The following EP400 variants were observed in gnomAD, a reference collection of about 807,000 sequenced individuals.
EP400 encodes the protein E1A binding protein p400.
EP400 carries 105 observed loss-of-function variants against 354.1 expected under a neutral mutation model. That is an observed-to-expected ratio of 0.30 (90% CI 0.25 to 0.35). EP400 has a LOEUF of 0.35. Ranked by LOEUF, EP400 falls within the 10% of genes least tolerant of loss-of-function variation. The pLI is 1.00. For synonymous variants in EP400, 1,646 were observed against 1,716.9 expected, an observed-to-expected ratio of 0.96 and a Z score of 1.02; for missense variants, 3,280 against 4,121.0, an observed-to-expected ratio of 0.80 and a Z score of 5.59.
rs2064128149 is a variant in EP400 at position 132,005,058 on chromosome 12, TGCCC to T, written c.2828-16_2828-13del. ...TGTTGTTATAAAGTAACAGCCCTTC[TGCCC>T]GCAACCCTCTGCAGCTGAGCTGCCC... is the stretch of plus-strand genomic sequence containing the variant. On this transcript the variant is annotated splice_polypyrimidine_tract_variant and intron_variant, in intron 12 of 52. Transcript: ENST00000389561. The T allele has an allele frequency of 9.0e-6, 14 of 1,553,094 alleles. No individual in the cohort carries two copies. The highest frequency in any genetic ancestry group is 1.2e-5 in the Non-Finnish European group (14 of 1,144,240).
rs757596889 is a variant in EP400 at position 131,979,709 on chromosome 12, G to A, written c.1351G>A (p.Gly451Arg). The A allele has an allele frequency of 5.6e-6, 9 of 1,607,530 alleles. No homozygotes were observed. Among genetic ancestry groups the A allele is most frequent in the African/African-American group, 1.3e-5 (1 of 74,432 alleles). The change falls in exon 3 of 53, where the codon GGG becomes AGG. Residue 451 changes from glycine (G) to arginine (R), a missense_variant. Physicochemically the swap from Gly to Arg is moderately radical, Grantham distance 125. Around this residue, in one of 20 missense-constraint regions of EP400, gnomAD observed 800 missense variants for 840.0 expected, o/e 0.95. Coordinates refer to ENST00000389561, the MANE Select transcript of EP400 (RefSeq NM_015409.5). ...VINDEQQALA[G>R]SLVAGAGSTV... ...TTTTTCCCAGCAGCAAGCCCTCGCAGGGAGCCTGGTAGCAGGGGCCGGAAG... is the reference window on the plus strand; with the variant it reads ...TTTTTCCCAGCAGCAAGCCCTCGCAAGGAGCCTGGTAGCAGGGGCCGGAAG...
intron 50 of EP400, 143 bp from the exon 51 acceptor site, chr12:132,069,352 A>G (rs1440868315): frequency 2.7e-5 from 31 of 1,155,172 alleles, no homozygotes; most frequent in Non-Finnish European, 3.8e-5. Flanking sequence ...AGGGGGCAGG[A>G]GATGTGGGTA....
chr12:132,063,035 A>G (rs1895759601), intron 47 of EP400, among the ~76,000 whole-genome samples: 1 of 152,162 alleles, frequency 6.6e-6, no homozygotes, highest in Non-Finnish European at 1.5e-5. Context: ...GACCAGAGAA[A>G]GTGCTGGTGA....
chr12:131,966,336 G>C (rs1892079903), intron 2 of EP400, among the ~76,000 whole-genome samples: 1 of 152,080 alleles, frequency 6.6e-6, no homozygotes, highest in African/African-American at 2.4e-5. Context: ...ACTTTGGGAG[G>C]CCTACATGGG....
chr12:131,972,388 C>T (rs566371396), intron 2 of EP400, among the ~76,000 whole-genome samples: 2 of 152,064 alleles, frequency 1.3e-5, no homozygotes, highest in South Asian at 2.1e-4. Context: ...CTCCTGACCT[C>T]GTGATCCGCC....
At chr12:132,032,657 G>A (rs1214178145) in intron 30 of EP400, among the ~76,000 whole-genome samples, 2 of 148,622 alleles carry the variant, frequency 1.3e-5, no homozygotes, top group Non-Finnish European at 3.0e-5. Context: ...TTGAGATGGA[G>A]TCTTACTCTG....
At chr12:132,058,575 C>T (rs547602842) in intron 45 of EP400, among the ~76,000 whole-genome samples, 82 of 152,154 alleles carry the variant, frequency 5.4e-4, no homozygotes, top group Admixed American at 2.7e-3. Flanking sequence ...TGGTCTTGAA[C>T]TCCTGATCTC....
chr12:132,073,459 C>CTTTTTTTTTTTTTTTTTTTTTTTTTT lies in EP400; in HGVS notation c.9022-3043_9022-3042insTTTTTTTTTTTTTTTTTTTTTTTTTT, dbSNP rs58724167. Among the ~76,000 whole-genome samples the CTTTTTTTTTTTTTTTTTTTTTTTTTT allele has an allele frequency of 6.9e-4, 81 of 117,680 alleles. 14 individuals carry two copies. Among genetic ancestry groups the CTTTTTTTTTTTTTTTTTTTTTTTTTT allele is most frequent in the African/African-American group, 2.5e-3 (56 of 22,632 alleles). The allele number at this position is 117,680 out of a possible 152,430, so 77.2% of individuals were successfully genotyped here. ...GTGCGTTTTAATTCTGTCCCTTTTCCTTTTTTTTTTTTTTGACACAGTCTT... is the reference window on the plus strand; with the variant it reads ...GTGCGTTTTAATTCTGTCCCTTTTCCTTTTTTTTTTTTTTTTTTTTTTTTTTTTTTTTTTTTTTTTGACACAGTCTT... On this transcript the variant is annotated intron_variant, in intron 51 of 52. Transcript: ENST00000389561.
chr12:132,053,557 C>T lies in EP400; in HGVS notation c.7688C>T (p.Ala2563Val), dbSNP rs201372662. Residue 2563 changes from alanine (A) to valine (V), a missense_variant, in exon 43 of 53, where the codon GCG becomes GTG. Ala to Val is a moderately conservative substitution (Grantham distance 64). Transcript: ENST00000389561. ...CAGCCTGTGCAGGCCCCAGCGAAGGCGCAGCCCGCAATCACGACGGGGGGC... is the reference window on the plus strand; with the variant it reads ...CAGCCTGTGCAGGCCCCAGCGAAGGTGCAGCCCGCAATCACGACGGGGGGC... ...QPQPVQAPAK[A>V]QPAITTGGSA... 255 of 1,562,268 alleles carry T rather than the reference C, an allele frequency of 1.6e-4. 1 individual carries two copies. Among genetic ancestry groups the T allele is most frequent in the Non-Finnish European group, 4.2e-5 (49 of 1,160,434 alleles).
rs140748139 is a variant in EP400 at position 132,029,756 on chromosome 12, C to T, written c.5437C>T (p.Arg1813Trp). The T allele has an allele frequency of 1.1e-4, 171 of 1,613,252 alleles. 1 individual carries two copies. The South Asian group carries it at 1.1e-3, about 11-fold the overall frequency. Residue 1813 changes from arginine to tryptophan, a missense_variant, in exon 28 of 53, where the codon CGG becomes TGG. By Grantham distance (101) the Arg-to-Trp change is moderately radical. Transcript: ENST00000389561. This position sits in a 1 kb window ranked among gnomAD's most constrained non-coding sequence, Gnocchi z 4.7. ...VAAPPSLRVP[R>W]PPPLYSHRMR... ...AGCACCCCCGTCCCTACGGGTGCCG[C>T]GGCCGCCACCCCTGTACAGCCACAG...
rs1367277074 is a variant in EP400, at chr12:132,070,991, GTAAATCATGACGATC to G, written c.9021+1353_9021+1367del. On this transcript the variant is annotated intron_variant, in intron 51 of 52. Transcript: ENST00000389561. The surrounding 1 kb of genome is among the most constrained non-coding windows in gnomAD (Gnocchi z 4.1). ...TCCTTCGTATACAGTTGTATCACCTGTAAATCATGACGATCTACTTCTCCCATCTTAAACCCTTGC... is the reference window on the plus strand; with the variant it reads ...TCCTTCGTATACAGTTGTATCACCTGTACTTCTCCCATCTTAAACCCTTGC... Among the ~76,000 whole-genome samples, 1 of 152,154 alleles carries G rather than the reference GTAAATCATGACGATC, an allele frequency of 6.6e-6. No homozygotes were observed. The highest frequency in any genetic ancestry group is 6.5e-5 in the Admixed American group (1 of 15,284).
At position 131,988,771 on chromosome 12, in the gene EP400, C is replaced by T. The variant is rs147258179; in HGVS notation, c.2409+881C>T. 5.8e-4 allele frequency among the ~76,000 whole-genome samples: 88 copies of T among 152,260 alleles called. 1 individual carries two copies. Among genetic ancestry groups the T allele is most frequent in the African/African-American group, 1.4e-3 (58 of 41,542 alleles). On this transcript the variant is annotated intron_variant, in intron 7 of 52. Coordinates refer to ENST00000389561, the MANE Select transcript of EP400 (RefSeq NM_015409.5). ...TTCTTTATCCTCCTCATTACTGTGT[C>T]GCTGCCTCTGTTTCTTGGGCCCTAG... is the stretch of plus-strand genomic sequence containing the variant.
chr12:131,981,431 A>T, intron 3 of EP400, 58 bp from the exon 4 acceptor site: 1 of 1,367,844 alleles, frequency 7.3e-7, no homozygotes, highest in Admixed American at 2.3e-5. Context: ...GTTTTTTTCT[A>T]CTACTTCTCT....
rs140801945 is a variant in EP400, at chr12:132,033,185, G to A, written c.5951+1036G>A. Among the ~76,000 whole-genome samples, 66 of 148,868 alleles carry A rather than the reference G, an allele frequency of 4.4e-4. 1 individual carries two copies. Among genetic ancestry groups the A allele is most frequent in the African/African-American group, 1.5e-3 (59 of 40,218 alleles). On this transcript the variant is annotated intron_variant, in intron 30 of 52. Transcript: ENST00000389561. ...CTGATCTTGGAACTCCCGACCTCAG[G>A]TGATCGCCCGCCTTGGCCTCCCAAA...
chr12:132,017,270 C>T lies in EP400; in HGVS notation c.3924-265C>T, dbSNP rs771867761. ...GCCCCCACTTCTCTTTCAGAGCACT[C>T]GGTATGATTGTGAATGAAGTGGAGT... On this transcript the variant is annotated intron_variant, in intron 19 of 52. Coordinates refer to ENST00000389561, the MANE Select transcript of EP400 (RefSeq NM_015409.5). This position sits in a 1 kb window ranked among gnomAD's most constrained non-coding sequence, Gnocchi z 5.0. 6.6e-6 allele frequency among the ~76,000 whole-genome samples: 1 copy of T among 152,210 alleles called. No homozygotes were observed. The highest frequency in any genetic ancestry group is 1.5e-5 in the Non-Finnish European group (1 of 68,044).
In EP400 at chr12:132,077,630, C is replaced by G. The variant is rs1234286325; in HGVS notation, c.9329C>G (p.Pro3110Arg). The G allele has an allele frequency of 6.2e-7, 1 of 1,613,682 alleles. No homozygotes were observed. Among genetic ancestry groups the G allele is most frequent in the Non-Finnish European group, 8.5e-7 (1 of 1,179,866 alleles). Residue 3110 changes from proline (P) to arginine (R), a missense_variant, in exon 53 of 53, where the codon CCT (proline) becomes CGT (arginine). Coordinates refer to ENST00000389561, the MANE Select transcript of EP400 (RefSeq NM_015409.5). ...CAGCCCAAGTTACAGATGAGGGTCC[C>G]TGCTGTCAGGCTAAAGACACCTACT... ...SQQPKLQMRV[P>R]AVRLKTPTKP...
At chr12:132,044,985 GGGGGC>G (rs1895037595) in intron 37 of EP400, 32 bp downstream of exon 37, 1 of 1,610,808 alleles carries the variant, frequency 6.2e-7, no homozygotes, top group Non-Finnish European at 8.5e-7. Context: ...CATGACCTGG[GGGGGC>G]CCTGGCCTGC....
Position 131,961,130 on chromosome 12 carries a change from G to C in EP400, c.511G>C (p.Val171Leu). ...CAGCAGCAGCCCTACAGGGGGCTTCGTGGATGCCAGCGTGCTGGTGAGGCA... is the reference window on the plus strand; with the variant it reads ...CAGCAGCAGCCCTACAGGGGGCTTCCTGGATGCCAGCGTGCTGGTGAGGCA... ...LCSSSPTGGF[V>L]DASVLVRQIS... The change falls in exon 2 of 53, where the codon GTG becomes CTG. Residue 171 changes from valine to leucine, a missense_variant. By Grantham distance (32) the Val-to-Leu change is conservative. Coordinates refer to ENST00000389561, the MANE Select transcript of EP400 (RefSeq NM_015409.5). 6.2e-7 allele frequency: 1 copy of C among 1,611,594 alleles called. No homozygotes were observed. The highest frequency in any genetic ancestry group is 2.2e-5 in the East Asian group (1 of 44,756).
intron 31 of EP400, 38 bp downstream of exon 31, chr12:132,037,831 G>T (rs372805218): frequency 6.2e-7 from 1 of 1,611,014 alleles, no homozygotes; most frequent in East Asian, 2.2e-5. Flanking sequence ...GGTGAGACCC[G>T]CCATGCGGCG....
Sources: allele counts gnomAD v4.1 joint callset (sites outside exome capture counted in the v4.1 genomes callset), GRCh38; gene constraint gnomAD v4.1.1; regional missense constraint gnomAD v4.1.1; non-coding constraint Gnocchi (gnomAD v3.1); transcripts MANE v1.5; gene names NCBI Gene and HGNC (gene_info 2026-07-23, HGNC 2026-07-21).